The following RCOR1 variants were observed in gnomAD, a reference collection of about 807,000 sequenced individuals.
RCOR1 encodes the protein REST corepressor 1.
A neutral mutation model predicts 64.0 loss-of-function variants in RCOR1; 12 were observed. The ratio of observed to expected loss-of-function variants is 0.19; its 90% CI spans 0.12 to 0.30. The LOEUF (loss-of-function observed/expected upper bound fraction) is 0.30. Among genes scored for constraint, RCOR1 ranks in the 10% least tolerant of loss-of-function variants. RCOR1 has a pLI of 1.00. For synonymous variants in RCOR1, 279 were observed against 227.2 expected, an observed-to-expected ratio of 1.23 and a Z score of -2.05; for missense variants, 502 against 621.2, an observed-to-expected ratio of 0.81 and a Z score of 2.04.
chr14:102,618,614 A>C (rs76852321), intron 2 of RCOR1, among the ~76,000 whole-genome samples: 1 of 152,190 alleles, frequency 6.6e-6, no homozygotes, highest in African/African-American at 2.4e-5. Flanking sequence ...CCCTGTCTCA[A>C]AACTAAACTA....
At chr14:102,653,680 T>C (rs1192810986) in intron 2 of RCOR1, among the ~76,000 whole-genome samples, 1 of 152,018 alleles carries the variant, frequency 6.6e-6, no homozygotes, top group East Asian at 1.9e-4. Flanking sequence ...GTGAGTGAGC[T>C]CTCGGGCGAT....
chr14:102,683,485 A>G (rs911592390), intron 3 of RCOR1, among the ~76,000 whole-genome samples: 1 of 152,238 alleles, frequency 6.6e-6, no homozygotes, highest in Non-Finnish European at 1.5e-5. Flanking sequence ...AAGCCAGAGC[A>G]GCGCCAGCGT....
chr14:102,669,161 T>C (rs1453093271), intron 2 of RCOR1, among the ~76,000 whole-genome samples: 1 of 152,012 alleles, frequency 6.6e-6, no homozygotes, highest in Non-Finnish European at 1.5e-5. Context: ...AATACAAAAT[T>C]AGCCAGGCGT....
chr14:102,686,467 TA>T (rs1895422231), intron 3 of RCOR1, among the ~76,000 whole-genome samples: 1 of 152,196 alleles, frequency 6.6e-6, no homozygotes, highest in Non-Finnish European at 1.5e-5. Flanking sequence ...CCGAAATTCA[TA>T]GTTTACATTA....
intron 11 of RCOR1, among the ~76,000 whole-genome samples, chr14:102,723,274 C>G (rs769951275): frequency 1.3e-5 from 2 of 152,194 alleles, no homozygotes; most frequent in African/African-American, 2.4e-5. Context: ...ATTGCGTGTG[C>G]TACCATTTTG....
chr14:102,726,353 T>C lies in RCOR1; in HGVS notation c.1420-115T>C, dbSNP rs1595248974. The C allele has an allele frequency of 3.9e-6, 3 of 770,754 alleles. No homozygotes were observed. The Admixed American group carries it at 8.6e-5, about 22-fold the overall frequency. The allele number at this position is 770,754 out of a possible 1,614,324, so 47.7% of individuals were successfully genotyped here. ...TCCAAAAAAAAAAAAAAGAACTCGG[T>C]GTTTGCTCTGCAGGTTTGCTGGCTA... On this transcript the variant is annotated intron_variant, in intron 11 of 11. Transcript: ENST00000262241.
At chr14:102,637,669 G>A (rs111595479) in intron 2 of RCOR1, among the ~76,000 whole-genome samples, 1 of 151,938 alleles carries the variant, frequency 6.6e-6, no homozygotes, top group South Asian at 2.1e-4. Flanking sequence ...AGGTAGTCTC[G>A]AACTTAGGAG....
At position 102,642,862 on chromosome 14, in the gene RCOR1, A is replaced by G. The variant is rs138503334; in HGVS notation, c.362-39033A>G. ...TTAAAAAAAGTTAGTCTGTGTTAGCATAGTATCGGCAGAAAAGTATTCTGA... is the reference window on the plus strand; with the variant it reads ...TTAAAAAAAGTTAGTCTGTGTTAGCGTAGTATCGGCAGAAAAGTATTCTGA... On this transcript the variant is annotated intron_variant, in intron 2 of 11. Transcript: ENST00000262241. 3.5e-3 allele frequency among the ~76,000 whole-genome samples: 537 copies of G among 152,232 alleles called. 3 individuals are homozygous for G. Among genetic ancestry groups the G allele is most frequent in the African/African-American group, 0.012 (499 of 41,540 alleles).
chr14:102,598,122 A>G (rs550561317), intron 2 of RCOR1, among the ~76,000 whole-genome samples: 26 of 151,588 alleles, frequency 1.7e-4, no homozygotes, highest in Admixed American at 1.2e-3. Context: ...GCGCAGCCCT[A>G]ATTTTGGTAT....
At chr14:102,690,455 A>G (rs1442734522) in intron 3 of RCOR1, among the ~76,000 whole-genome samples, 3 of 152,076 alleles carry the variant, frequency 2.0e-5, no homozygotes, top group African/African-American at 7.2e-5. Flanking sequence ...ACCAGTCATG[A>G]TGGTGCACAC....
intron 2 of RCOR1, among the ~76,000 whole-genome samples, chr14:102,629,791 C>A (rs1314724173): frequency 6.6e-6 from 1 of 152,166 alleles, no homozygotes; most frequent in Non-Finnish European, 1.5e-5. Context: ...AAGAGATTTA[C>A]AAACATCTTT....
At chr14:102,668,876 T>G (rs907274148) in intron 2 of RCOR1, among the ~76,000 whole-genome samples, 3 of 151,940 alleles carry the variant, frequency 2.0e-5, no homozygotes. Flanking sequence ...GAGATTTGAG[T>G]TTTTAAGGAC....
At chr14:102,604,508 A>G (rs12892759) in intron 2 of RCOR1, among the ~76,000 whole-genome samples, 10,858 of 152,172 alleles carry the variant, frequency 0.071, 602 homozygotes, top group African/African-American at 0.15. Context: ...GACCCTCACA[A>G]CAGTCATATG....
chr14:102,662,489 T>G, intron 2 of RCOR1: 1 of 530,526 alleles, frequency 1.9e-6, no homozygotes, highest in Non-Finnish European at 3.7e-6. Context: ...GATGATAATA[T>G]GGTGGTCAAG....
At chr14:102,645,513 A>G (rs1894460429) in intron 2 of RCOR1, among the ~76,000 whole-genome samples, 1 of 152,116 alleles carries the variant, frequency 6.6e-6, no homozygotes. Context: ...CATAGTTTCT[A>G]TTAAGCTTTT....
intron 2 of RCOR1, among the ~76,000 whole-genome samples, chr14:102,646,936 C>A (rs1043281887): frequency 6.6e-6 from 1 of 152,052 alleles, no homozygotes; most frequent in African/African-American, 2.4e-5. Context: ...ATGATGAATA[C>A]AAAAACAAAA....
chr14:102,720,984 G>T, intron 8 of RCOR1, 23 bp from the exon 9 acceptor site: 1 of 1,308,750 alleles, frequency 7.6e-7, no homozygotes. Context: ...TTTTTAAAAT[G>T]AAAATTATTT....
chr14:102,630,095 T>A, intron 2 of RCOR1: 1 of 615,568 alleles, frequency 1.6e-6, no homozygotes, highest in Non-Finnish European at 2.0e-6. Flanking sequence ...TGATCTCCAG[T>A]GTTGGAGGTG....
chr14:102,647,826 G>A (rs1030151169), intron 2 of RCOR1, among the ~76,000 whole-genome samples: 1 of 152,158 alleles, frequency 6.6e-6, no homozygotes, highest in East Asian at 1.9e-4. Flanking sequence ...CTACAGACGC[G>A]TGCCACCACA....
Sources: gnomAD v4.1 joint callset for allele counts (sites outside exome capture counted in the v4.1 genomes callset) on GRCh38, gnomAD v4.1.1 for gene constraint, MANE v1.5 for transcripts, NCBI Gene and HGNC (gene_info 2026-07-23, HGNC 2026-07-21) for gene names.